The following SEC24A variants were observed in gnomAD, a reference collection of about 807,000 sequenced individuals.
The protein encoded by SEC24A is protein transport protein Sec24A.
Under a neutral mutation model 129.4 loss-of-function variants are expected in SEC24A, and 93 were observed. The observed-to-expected ratio is 0.72, with a 90% CI of 0.61 to 0.85. The LOEUF is 0.85. Among genes scored for constraint, SEC24A ranks in the 40% least tolerant of loss-of-function variants. The pLI is 0.00. For missense variants in SEC24A, 1,264 were observed against 1,307.4 expected (o/e 0.97, Z 0.51); for synonymous variants, 460 against 467.3 (o/e 0.98, Z 0.20).
intron 9 of SEC24A, among the ~76,000 whole-genome samples, chr5:134,684,699 C>T (rs1317999891): frequency 6.6e-6 from 1 of 151,878 alleles, no homozygotes; most frequent in East Asian, 1.9e-4. Flanking sequence ...GGCAACCGTG[C>T]GAGACTCCAT....
At chr5:134,693,194 G>A in intron 12 of SEC24A, 1 of 1,527,816 alleles carries the variant, frequency 6.5e-7, no homozygotes, top group Non-Finnish European at 8.8e-7. Context: ...CAAGTCTATG[G>A]TCTCTGCTGT....
At chr5:134,698,634 T>G (rs1196623172) in intron 15 of SEC24A, among the ~76,000 whole-genome samples, 4 of 147,708 alleles carry the variant, frequency 2.7e-5, no homozygotes, top group African/African-American at 7.4e-5. Context: ...AGTCTTGTTT[T>G]TTTTTTTTTT....
At chr5:134,702,602 G>A (rs1478169256) in intron 15 of SEC24A, among the ~76,000 whole-genome samples, 1 of 152,030 alleles carries the variant, frequency 6.6e-6, no homozygotes, top group Non-Finnish European at 1.5e-5. Context: ...TCTTATGGTC[G>A]ATTTACATAA....
At chr5:134,667,669 C>A (rs148610098) in intron 3 of SEC24A, among the ~76,000 whole-genome samples, 1,483 of 112,870 alleles carry the variant, frequency 0.013, no homozygotes, top group Middle Eastern at 0.027. Flanking sequence ...AAAAAAAAAA[C>A]AAAAAAAAAA....
intron 19 of SEC24A, 184 bp downstream of exon 19, chr5:134,715,345 T>A (rs925834347): frequency 2.8e-5 from 14 of 505,652 alleles, no homozygotes; most frequent in African/African-American, 6.1e-5. Flanking sequence ...AAATAGTGCC[T>A]TTAAGTTTCC....
In SEC24A at chr5:134,696,798, A is replaced by AGT. The variant is rs550234274; in HGVS notation, c.1987-328_1987-327insGT. 1.1e-4 allele frequency among the ~76,000 whole-genome samples: 15 copies of AGT among 139,448 alleles called. No homozygotes were observed. The South Asian group carries it at 2.5e-3, about 23-fold the overall frequency. 91.5% of individuals were successfully genotyped at this position (139,448 alleles called of 152,430 possible). A position where few individuals can be genotyped will look rare whatever the true frequency, so the allele number is the denominator to read the frequency against. On this transcript the variant is annotated intron_variant, in intron 13 of 22. Coordinates refer to ENST00000398844, the MANE Select transcript of SEC24A (RefSeq NM_021982.3). ...CAGGCGTGAGCCACCGCACCCGGCC[A>AGT]TTTTTTTTTTTTTTTAAATAAATAA...
intron 11 of SEC24A, among the ~76,000 whole-genome samples, chr5:134,690,612 GC>G (rs1561819286): frequency 6.6e-6 from 1 of 152,122 alleles, no homozygotes; most frequent in Non-Finnish European, 1.5e-5. Flanking sequence ...ACCACACCTG[GC>G]CAGGCCTTAT....
intron 18 of SEC24A, among the ~76,000 whole-genome samples, chr5:134,713,437 C>A (rs1752388753): frequency 2.0e-5 from 3 of 152,048 alleles, no homozygotes. Context: ...ACTGACATAC[C>A]ACATATTTTG....
intron 1 of SEC24A, among the ~76,000 whole-genome samples, chr5:134,650,351 A>G (rs186786791): frequency 6.6e-6 from 1 of 152,308 alleles, no homozygotes; most frequent in Admixed American, 6.5e-5. Context: ...TTTTTCTTAT[A>G]ATCTATAAAT....
chr5:134,695,564 A>G (rs1220006507), intron 13 of SEC24A, among the ~76,000 whole-genome samples: 1 of 152,150 alleles, frequency 6.6e-6, no homozygotes, highest in Non-Finnish European at 1.5e-5. Flanking sequence ...AGGTGGGTGG[A>G]TCACGAGTTC....
intron 4 of SEC24A, among the ~76,000 whole-genome samples, chr5:134,673,217 A>G (rs184939625): frequency 1.3e-5 from 2 of 151,216 alleles, no homozygotes; most frequent in East Asian, 3.9e-4. Flanking sequence ...CACCACGCCC[A>G]GTTAATTTTT....
At chr5:134,654,939 A>G (rs1041012518) in intron 1 of SEC24A, among the ~76,000 whole-genome samples, 4 of 150,440 alleles carry the variant, frequency 2.7e-5, no homozygotes, top group Non-Finnish European at 4.4e-5. Context: ...CTGGTCTCGA[A>G]CTCCTGACCT....
In SEC24A at chr5:134,669,938, T is replaced by C. The variant is rs192641548; in HGVS notation, c.740-1871T>C. On this transcript the variant is annotated intron_variant, in intron 3 of 22. Transcript: ENST00000398844. ...TTTATTTATTTTTGAGACATAAGTC[T>C]CACTCTTGCTGAGGCTGGAGTTCTG... Among the ~76,000 whole-genome samples the C allele has an allele frequency of 2.1e-3, 323 of 152,162 alleles. 2 individuals carry two copies. Among genetic ancestry groups the C allele is most frequent in the African/African-American group, 7.4e-3 (309 of 41,518 alleles).
chr5:134,663,571 A>G (rs924671800), intron 2 of SEC24A, among the ~76,000 whole-genome samples: 3 of 152,198 alleles, frequency 2.0e-5, no homozygotes, highest in Non-Finnish European at 4.4e-5. Context: ...TAATCCTAGC[A>G]CTTTGGGAGT....
Position 134,654,286 on chromosome 5 carries a change from A to G in SEC24A, c.97+5113A>G, listed in dbSNP as rs187765601. 3.9e-3 allele frequency among the ~76,000 whole-genome samples: 593 copies of G among 151,690 alleles called. 1 individual carries two copies. Among genetic ancestry groups the G allele is most frequent in the Middle Eastern group, 0.038 (11 of 292 alleles). On this transcript the variant is annotated intron_variant, in intron 1 of 22. Coordinates refer to ENST00000398844, the MANE Select transcript of SEC24A (RefSeq NM_021982.3). ...CCCAGGCTGGAGTGCAGTGGTGCAG[A>G]TCTTGGCTCACTGCAGCCTCTGCCT...
rs371520465 is a variant in SEC24A at position 134,708,751 on chromosome 5, C to G, written c.2590C>G (p.Arg864Gly). The G allele has an allele frequency of 8.1e-6, 13 of 1,613,996 alleles. No individual in the cohort carries two copies. Among genetic ancestry groups the G allele is most frequent in the Admixed American group, 1.7e-5 (1 of 59,954 alleles). Residue 864 changes from arginine (R) to glycine (G), a missense_variant, in exon 18 of 23, where the codon CGG (arginine) becomes GGG (glycine). Coordinates refer to ENST00000398844, the MANE Select transcript of SEC24A (RefSeq NM_021982.3). ...RSMTASLSDA[R>G]DALVNAVIDS... is the part of the protein sequence containing the mutation. ...TATGACTGCCAGTCTGAGTGACGCT[C>G]GGGATGCTCTAGTGAATGCAGTCAT...
Position 134,649,268 on chromosome 5 carries a change from C to A in SEC24A, c.97+95C>A, listed in dbSNP as rs1749967713. The A allele has an allele frequency of 9.9e-6, 9 of 904,738 alleles. No individual in the cohort carries two copies. In the East Asian group the frequency reaches 2.8e-4, roughly 28 times the overall value. 56.0% of individuals were successfully genotyped at this position (904,738 alleles called of 1,614,324 possible). On this transcript the variant is annotated intron_variant, in intron 1 of 22. Coordinates refer to ENST00000398844, the MANE Select transcript of SEC24A (RefSeq NM_021982.3). ...GAGGCGACATAGATAGAGAGAGTGACCTCCTTACCGGGTTCTGGCGCGGAT... is the reference window on the plus strand; with the variant it reads ...GAGGCGACATAGATAGAGAGAGTGAACTCCTTACCGGGTTCTGGCGCGGAT...
chr5:134,706,986 G>A (rs539476739), intron 17 of SEC24A, among the ~76,000 whole-genome samples: 3 of 152,016 alleles, frequency 2.0e-5, no homozygotes, highest in Non-Finnish European at 4.4e-5. Context: ...ACCACGCCTG[G>A]CCCTCAACCA....
chr5:134,667,941 C>T (rs1750722912), intron 3 of SEC24A, among the ~76,000 whole-genome samples: 1 of 152,122 alleles, frequency 6.6e-6, no homozygotes, highest in African/African-American at 2.4e-5. Flanking sequence ...AGGCTGGGCA[C>T]AGTGTCTTAC....
Sources: allele counts gnomAD v4.1 joint callset (sites outside exome capture counted in the v4.1 genomes callset), GRCh38; gene constraint gnomAD v4.1.1; transcripts MANE v1.5; gene names NCBI Gene and HGNC (gene_info 2026-07-23, HGNC 2026-07-21).